PER3: variants seen among roughly 807,000 people sequenced by gnomAD.
PER3 encodes the protein period circadian regulator 3.
A neutral mutation model predicts 127.2 loss-of-function variants in PER3; 107 were observed. The ratio of observed to expected loss-of-function variants is 0.84; its 90% CI spans 0.72 to 0.99. PER3 has a LOEUF of 0.99. Among genes scored for constraint, PER3 ranks in the 50% least tolerant of loss-of-function variants. The pLI is 0.00. For missense variants in PER3, 1,560 were observed against 1,525.8 expected, an observed-to-expected ratio of 1.02 and a Z score of -0.37; for synonymous variants, 618 against 585.8, an observed-to-expected ratio of 1.05 and a Z score of -0.79.
intron 13 of PER3, 116 bp from the exon 14 acceptor site, chr1:7,819,169 G>C: frequency 1.3e-6 from 1 of 788,866 alleles, no homozygotes; most frequent in South Asian, 1.9e-5. Flanking sequence ...ATAGCCGCAT[G>C]ATATTCTGTT....
At chr1:7,819,152 A>G in intron 13 of PER3, 133 bp from the exon 14 acceptor site, 5 of 702,778 alleles carry the variant, frequency 7.1e-6, no homozygotes, top group Non-Finnish European at 2.3e-6. Flanking sequence ...ATCTGCACTC[A>G]TTTTTAATAG....
At chr1:7,805,658 T>G (rs561432602) in intron 10 of PER3, among the ~76,000 whole-genome samples, 1 of 152,246 alleles carries the variant, frequency 6.6e-6, no homozygotes, top group Non-Finnish European at 1.5e-5. Context: ...TACGGAAACC[T>G]ATTGGGAAAT....
chr1:7,809,466 G>A (rs1056410933), intron 11 of PER3, among the ~76,000 whole-genome samples: 1 of 152,170 alleles, frequency 6.6e-6, no homozygotes, highest in African/African-American at 2.4e-5. Flanking sequence ...GTGTCGTGTA[G>A]AGTAACTGTC....
At position 7,843,989 on chromosome 1, in the gene PER3, T is replaced by G; in HGVS notation, c.*1234T>G. 8.0e-7 allele frequency: 1 copy of G among 1,244,638 alleles called. No homozygotes were observed. The highest frequency in any genetic ancestry group is 1.0e-6 in the Non-Finnish European group (1 of 960,650). The allele number at this position is 1,244,638 out of a possible 1,614,324, so 77.1% of individuals were successfully genotyped here. ...AAAACAAATAGAAGAAAATGAGGGTTACAGTAACCTGTTGTCTTTATATAA... is the reference window on the plus strand; with the variant it reads ...AAAACAAATAGAAGAAAATGAGGGTGACAGTAACCTGTTGTCTTTATATAA... On this transcript the variant is annotated 3_prime_UTR_variant, in exon 22 of 22. Transcript: ENST00000377532.
intron 13 of PER3, among the ~76,000 whole-genome samples, chr1:7,817,006 C>T (rs920791656): frequency 2.0e-5 from 3 of 152,168 alleles, no homozygotes; most frequent in African/African-American, 4.8e-5. Flanking sequence ...ATTCACAGAC[C>T]ATTGTATATA....
intron 7 of PER3, among the ~76,000 whole-genome samples, chr1:7,800,839 A>AG (rs1337240541): frequency 8.5e-6 from 1 of 118,210 alleles, no homozygotes; most frequent in Non-Finnish European, 2.0e-5. Flanking sequence ...AAAAAAAAAA[A>AG]AAAGAGAGAA....
At chr1:7,838,462 G>A (rs1426021621) in intron 21 of PER3, among the ~76,000 whole-genome samples, 2 of 151,986 alleles carry the variant, frequency 1.3e-5, no homozygotes, top group Non-Finnish European at 2.9e-5. Flanking sequence ...ACGCTGGAGT[G>A]CAGTGGTGTG....
intron 10 of PER3, among the ~76,000 whole-genome samples, chr1:7,806,856 A>G (rs1027216908): frequency 6.8e-6 from 1 of 146,864 alleles, no homozygotes; most frequent in African/African-American, 2.5e-5. Context: ...ACACACACAT[A>G]CATACACAAT....
At chr1:7,835,676 C>T (rs2097354715) in intron 19 of PER3, 86 bp from the exon 20 acceptor site, 12 of 937,406 alleles carry the variant, frequency 1.3e-5, no homozygotes, top group Non-Finnish European at 2.0e-5. Flanking sequence ...GAGGACTGTC[C>T]GAGGCAAGAG....
chr1:7,817,064 G>A (rs2097254746), intron 13 of PER3, among the ~76,000 whole-genome samples: 1 of 152,158 alleles, frequency 6.6e-6, no homozygotes, highest in Non-Finnish European at 1.5e-5. Flanking sequence ...GAACCAAAAG[G>A]TTACATATTG....
intron 5 of PER3, among the ~76,000 whole-genome samples, chr1:7,789,080 C>A (rs1220408632): frequency 6.6e-6 from 1 of 151,266 alleles, no homozygotes; most frequent in Admixed American, 6.6e-5. Context: ...TAATTTATTT[C>A]TTTTTAGTCA....
chr1:7,802,428 A>G (rs1049500115), intron 8 of PER3, among the ~76,000 whole-genome samples: 7 of 151,854 alleles, frequency 4.6e-5, no homozygotes, highest in African/African-American at 1.7e-4. Context: ...ACACCCGGCT[A>G]ATTTTTTTAT....
At chr1:7,829,775 A>G in intron 18 of PER3, 59 bp from the exon 19 acceptor site, 1 of 1,351,550 alleles carries the variant, frequency 7.4e-7, no homozygotes, top group Non-Finnish European at 1.0e-6. Context: ...ATAAAGGAGG[A>G]CTACTGTATT....
chr1:7,785,877 A>C (rs1284322086), intron 3 of PER3, among the ~76,000 whole-genome samples: 1 of 152,254 alleles, frequency 6.6e-6, no homozygotes, highest in Non-Finnish European at 1.5e-5. Context: ...GACCTTTTAA[A>C]GAAATATTGT....
intron 13 of PER3, among the ~76,000 whole-genome samples, chr1:7,818,582 A>G (rs986775211): frequency 5.9e-5 from 9 of 152,116 alleles, no homozygotes; most frequent in Non-Finnish European, 1.0e-4. Flanking sequence ...TTATTGGCTC[A>G]TTGTCCTTTA....
intron 10 of PER3, among the ~76,000 whole-genome samples, chr1:7,804,704 T>G (rs1418727526): frequency 6.6e-6 from 1 of 151,752 alleles, no homozygotes; most frequent in Non-Finnish European, 1.5e-5. Context: ...GCCCGGACTG[T>G]GTCCATTTTT....
At chr1:7,797,341 A>G (rs1240891844) in intron 6 of PER3, among the ~76,000 whole-genome samples, 1 of 152,142 alleles carries the variant, frequency 6.6e-6, no homozygotes, top group Non-Finnish European at 1.5e-5. Context: ...TAGAAGAGAA[A>G]GAGCAAGGTG....
rs182583917 is a variant in PER3, at chr1:7,803,867, A to G, written c.1136+19A>G. 1.9e-6 allele frequency: 3 copies of G among 1,598,346 alleles called. No individual in the cohort carries two copies. Among genetic ancestry groups the G allele is most frequent in the Non-Finnish European group, 2.6e-6 (3 of 1,168,792 alleles). On this transcript the variant is annotated intron_variant, in intron 10 of 21. Transcript: ENST00000377532. ...TTCGAACGTAAGCCAGTCAGTTTTC[A>G]TATTTTCTAAAACATCTCTTGTATC...
chr1:7,825,755 G>A (rs1577894575), intron 16 of PER3, among the ~76,000 whole-genome samples: 1 of 152,170 alleles, frequency 6.6e-6, no homozygotes, highest in South Asian at 2.1e-4. Flanking sequence ...GCCCAGTGTG[G>A]TGGCACATGC....
Sources: gnomAD v4.1 joint callset for allele counts (sites outside exome capture counted in the v4.1 genomes callset) on GRCh38, gnomAD v4.1.1 for gene constraint, MANE v1.5 for transcripts, NCBI Gene and HGNC (gene_info 2026-07-23, HGNC 2026-07-21) for gene names.